The following PDE10A variants were observed in gnomAD, a reference collection of about 807,000 sequenced individuals.
PDE10A encodes the protein cAMP and cAMP-inhibited cGMP 3',5'-cyclic phosphodiesterase 10A.
Under a neutral mutation model 97.7 loss-of-function variants are expected in PDE10A, and 39 were observed. That is an observed-to-expected ratio of 0.40 (90% CI 0.31 to 0.52). PDE10A has a LOEUF of 0.52. Ranked by LOEUF, PDE10A falls within the 20% of genes least tolerant of loss-of-function variation. PDE10A has a pLI of 0.56. For synonymous variants in PDE10A, 371 were observed against 376.8 expected (o/e 0.98, Z 0.18); for missense variants, 731 against 1,047.8 (o/e 0.70, Z 4.17).
intron 2 of PDE10A, among the ~76,000 whole-genome samples, chr6:165,538,126 C>T (rs1783206820): frequency 6.6e-6 from 1 of 151,942 alleles, no homozygotes; most frequent in African/African-American, 2.4e-5. Context: ...GTTTAGGGGG[C>T]ATAATTTAAA....
intron 13 of PDE10A, among the ~76,000 whole-genome samples, chr6:165,400,676 C>T (rs145964369): frequency 2.1e-4 from 32 of 152,222 alleles, no homozygotes; most frequent in Non-Finnish European, 4.4e-4. Flanking sequence ...TTACAGACCC[C>T]TCCCATGTTA....
At chr6:165,948,541 T>C (rs1783852507) in intron 1 of PDE10A, 1 of 152,228 alleles carries the variant, frequency 6.6e-6, no homozygotes, top group Non-Finnish European at 1.5e-5. Flanking sequence ...AAAGGAGAAA[T>C]GGCAGTGCGG....
intron 1 of PDE10A, among the ~76,000 whole-genome samples, chr6:165,924,923 G>C (rs529700205): frequency 1.3e-5 from 2 of 152,138 alleles, no homozygotes; most frequent in Non-Finnish European, 1.5e-5. Flanking sequence ...AAGCTGGACC[G>C]CATCAAAATT....
intron 2 of PDE10A, among the ~76,000 whole-genome samples, chr6:165,522,278 G>C (rs1315154399): frequency 1.3e-5 from 2 of 152,116 alleles, no homozygotes; most frequent in South Asian, 4.1e-4. Context: ...AAGGAGGAGG[G>C]ACTGCTCTGT....
chr6:165,742,987 C>G (rs1233084876), intron 1 of PDE10A, among the ~76,000 whole-genome samples: 3 of 152,214 alleles, frequency 2.0e-5, no homozygotes, highest in Admixed American at 1.3e-4. Flanking sequence ...AAAGAAAAAG[C>G]ACTGGCGCCT....
At chr6:165,359,744 G>C (rs1431524392) in intron 18 of PDE10A, among the ~76,000 whole-genome samples, 1 of 152,028 alleles carries the variant, frequency 6.6e-6, no homozygotes, top group Non-Finnish European at 1.5e-5. Flanking sequence ...GTAGTAAAGG[G>C]CCAGATAGTA....
Position 165,740,584 on chromosome 6 carries a change from C to T in PDE10A, c.-614-197016G>A, listed in dbSNP as rs1792696451. Among the ~76,000 whole-genome samples the T allele has an allele frequency of 2.0e-5, 3 of 152,170 alleles. No individual in the cohort carries two copies. In the South Asian group the frequency reaches 6.2e-4, roughly 32 times the overall value. ...TCCTGACCTCGTGATCCACCTGCCT[C>T]ACCCTCCCAAAGTGCTGGGATTACA... On this transcript the variant is annotated intron_variant, in intron 1 of 19. Coordinates refer to the PDE10A transcript ENST00000366882.
intron 1 of PDE10A, among the ~76,000 whole-genome samples, chr6:165,718,967 G>C (rs1792096230): frequency 6.6e-6 from 1 of 152,130 alleles, no homozygotes; most frequent in East Asian, 1.9e-4. Flanking sequence ...TTGCATTCAT[G>C]TTAAAATAAA....
intron 1 of PDE10A, among the ~76,000 whole-genome samples, chr6:165,853,940 G>A (rs1237064869): frequency 6.6e-6 from 1 of 152,180 alleles, no homozygotes; most frequent in Non-Finnish European, 1.5e-5. Flanking sequence ...CTCCTGGGTC[G>A]CAGATGGCTC....
intron 18 of PDE10A, among the ~76,000 whole-genome samples, chr6:165,366,946 TATACAA>T (rs1783810979): frequency 6.6e-6 from 1 of 152,114 alleles, no homozygotes; most frequent in African/African-American, 2.4e-5. Context: ...CATTATGTAA[TATACAA>T]ATATAAAAAA....
At chr6:165,764,969 G>T (rs1459613108) in intron 1 of PDE10A, among the ~76,000 whole-genome samples, 2 of 152,100 alleles carry the variant, frequency 1.3e-5, no homozygotes, top group Non-Finnish European at 2.9e-5. Context: ...TAGACACAAA[G>T]GTTCTCCACA....
rs1315493955 is a variant in PDE10A at position 165,938,004 on chromosome 6, C to T, written c.-615+49525G>A. On this transcript the variant is annotated intron_variant, in intron 1 of 19. Transcript: ENST00000366882. ...ACAGACCCCCACATCACAGGAGGGT[C>T]CTCTGACAATCTCTCCCACTTCCTT... Among the ~76,000 whole-genome samples the T allele has an allele frequency of 2.0e-5, 3 of 152,288 alleles. No individual in the cohort carries two copies. In the East Asian group the frequency reaches 5.8e-4, roughly 29 times the overall value.
At chr6:165,642,026 G>C (rs1789162110) in intron 1 of PDE10A, among the ~76,000 whole-genome samples, 1 of 152,136 alleles carries the variant, frequency 6.6e-6, no homozygotes, top group Non-Finnish European at 1.5e-5. Flanking sequence ...ACGTGTGTGT[G>C]TGTGTGATGT....
At chr6:165,372,765 T>C (rs9459396) in intron 18 of PDE10A, among the ~76,000 whole-genome samples, 42,800 of 97,146 alleles carry the variant, frequency 0.44, 11,552 homozygotes, top group African/African-American at 0.68. Flanking sequence ...GAGCCCGCAT[T>C]GCCAAGTCAA....
At chr6:165,573,501 T>C (rs1388348586) in intron 1 of PDE10A, among the ~76,000 whole-genome samples, 1 of 152,166 alleles carries the variant, frequency 6.6e-6, no homozygotes, top group Non-Finnish European at 1.5e-5. Flanking sequence ...AAGACAGGGT[T>C]CATTGTCCAA....
chr6:165,345,946 G>T (rs1782277863), intron 18 of PDE10A, among the ~76,000 whole-genome samples: 1 of 152,178 alleles, frequency 6.6e-6, no homozygotes, highest in African/African-American at 2.4e-5. Flanking sequence ...AGAGAGGAGT[G>T]CACGTGAAGT....
At chr6:165,953,533 C>A (rs1033838699) in intron 1 of PDE10A, among the ~76,000 whole-genome samples, 2 of 151,634 alleles carry the variant, frequency 1.3e-5, no homozygotes, top group African/African-American at 4.8e-5. Context: ...GGAGGTTGCA[C>A]CAAGACGAGA....
At chr6:165,749,395 T>TCACCACCA (rs1792936079) in intron 1 of PDE10A, among the ~76,000 whole-genome samples, 2 of 15,096 alleles carry the variant, frequency 1.3e-4, no homozygotes, top group Admixed American at 5.2e-4. Context: ...ATCATCACCA[T>TCACCACCA]TACCATCAAC....
chr6:165,695,113 A>G (rs993898898), intron 1 of PDE10A, among the ~76,000 whole-genome samples: 1 of 152,146 alleles, frequency 6.6e-6, no homozygotes, highest in South Asian at 2.1e-4. Flanking sequence ...AACAATATGC[A>G]TAATATTAAC....
Sources: allele counts gnomAD v4.1 joint callset (sites outside exome capture counted in the v4.1 genomes callset), GRCh38; gene constraint gnomAD v4.1.1; transcripts MANE v1.5; gene names NCBI Gene and HGNC (gene_info 2026-07-23, HGNC 2026-07-21).